GMDS: variants seen among roughly 807,000 people sequenced by gnomAD.
GMDS encodes GDP-mannose 4,6 dehydratase.
A neutral mutation model predicts 49.9 loss-of-function variants in GMDS; 20 were observed. The observed-to-expected ratio is 0.40, with a 90% confidence interval of 0.28 to 0.58. The LOEUF is 0.58. Among genes scored for constraint, GMDS ranks in the 20% least tolerant of loss-of-function variants. GMDS has a pLI of 0.42. For missense variants in GMDS, 362 were observed against 481.4 expected, an observed-to-expected ratio of 0.75 and a Z score of 2.32; for synonymous variants, 177 against 178.6, an observed-to-expected ratio of 0.99 and a Z score of 0.07.
At chr6:1,937,195 C>G (rs1024158140) in intron 6 of GMDS, among the ~76,000 whole-genome samples, 1 of 152,102 alleles carries the variant, frequency 6.6e-6, no homozygotes, top group Admixed American at 6.5e-5. Flanking sequence ...CGTCTACAAC[C>G]GTCACACAAT....
At chr6:1,896,902 C>G (rs986575815) in intron 7 of GMDS, among the ~76,000 whole-genome samples, 1 of 152,158 alleles carries the variant, frequency 6.6e-6, no homozygotes, top group Non-Finnish European at 1.5e-5. Context: ...AGGGATTTGA[C>G]TGATGTCTCT....
At chr6:1,781,325 G>A (rs1309021459) in intron 7 of GMDS, among the ~76,000 whole-genome samples, 1 of 152,210 alleles carries the variant, frequency 6.6e-6, no homozygotes, top group African/African-American at 2.4e-5. Flanking sequence ...TGCTGCTGCT[G>A]GTGGTCCTTG....
intron 8 of GMDS, among the ~76,000 whole-genome samples, chr6:1,738,556 G>A (rs1767138557): frequency 6.6e-6 from 1 of 152,200 alleles, no homozygotes; most frequent in South Asian, 2.1e-4. Context: ...AGAGACAGCA[G>A]AGCTTAGAAT....
intron 4 of GMDS, among the ~76,000 whole-genome samples, chr6:2,055,152 T>C (rs994193025): frequency 6.6e-6 from 1 of 151,798 alleles, no homozygotes; most frequent in East Asian, 1.9e-4. Flanking sequence ...TAAAAACTAC[T>C]GAATCTGAGG....
chr6:2,000,789 G>A (rs1766766658), intron 4 of GMDS, among the ~76,000 whole-genome samples: 1 of 152,144 alleles, frequency 6.6e-6, no homozygotes, highest in Non-Finnish European at 1.5e-5. Flanking sequence ...AGCCTCCCAA[G>A]TAACTGGAAC....
At chr6:2,087,299 T>A (rs1412812019) in intron 4 of GMDS, among the ~76,000 whole-genome samples, 1 of 152,242 alleles carries the variant, frequency 6.6e-6, no homozygotes, top group African/African-American at 2.4e-5. Context: ...GATGATTACT[T>A]CTTTTGTATA....
chr6:2,228,509 C>T (rs1259771235), intron 1 of GMDS, among the ~76,000 whole-genome samples: 1 of 152,234 alleles, frequency 6.6e-6, no homozygotes, highest in Admixed American at 6.5e-5. Flanking sequence ...CCTTCCCCAT[C>T]CCCAGGGCAG....
At chr6:1,879,161 G>A (rs1023215697) in intron 7 of GMDS, among the ~76,000 whole-genome samples, 29 of 152,116 alleles carry the variant, frequency 1.9e-4, no homozygotes, top group Admixed American at 2.6e-4. Flanking sequence ...TACAGACATG[G>A]AAAATAAAGT....
intron 9 of GMDS, among the ~76,000 whole-genome samples, chr6:1,711,191 A>G (rs930294879): frequency 2.0e-5 from 3 of 152,266 alleles, no homozygotes; most frequent in African/African-American, 7.2e-5. Context: ...AACTGTGTGC[A>G]TCATTCCCTG....
intron 4 of GMDS, among the ~76,000 whole-genome samples, chr6:2,067,060 C>G (rs941358241): frequency 3.3e-5 from 5 of 151,468 alleles, no homozygotes; most frequent in African/African-American, 1.2e-4. Context: ...TTATAACAAA[C>G]TATCTCTCAG....
At chr6:1,918,159 AGG>A (rs1203894915) in intron 7 of GMDS, among the ~76,000 whole-genome samples, 1 of 152,134 alleles carries the variant, frequency 6.6e-6, no homozygotes, top group Admixed American at 6.5e-5. Context: ...GGAGAAGAGA[AGG>A]GATGGGAGAG....
chr6:2,152,951 G>A (rs1332206972), intron 1 of GMDS, among the ~76,000 whole-genome samples: 1 of 152,028 alleles, frequency 6.6e-6, no homozygotes, highest in Non-Finnish European at 1.5e-5. Context: ...GTGGTGGTGG[G>A]CGCCTGTAAT....
At chr6:1,753,183 G>A (rs1231706075) in intron 7 of GMDS, among the ~76,000 whole-genome samples, 1 of 152,154 alleles carries the variant, frequency 6.6e-6, no homozygotes, top group Non-Finnish European at 1.5e-5. Context: ...TAAAGGGATG[G>A]AGGAATATTT....
At chr6:1,821,933 T>C (rs1198420767) in intron 7 of GMDS, among the ~76,000 whole-genome samples, 3 of 152,080 alleles carry the variant, frequency 2.0e-5, no homozygotes, top group Admixed American at 6.6e-5. Context: ...AAGTGTGTCG[T>C]GGTAACGTTT....
chr6:1,984,012 A>G (rs1765388984), intron 4 of GMDS, among the ~76,000 whole-genome samples: 1 of 152,228 alleles, frequency 6.6e-6, no homozygotes, highest in Admixed American at 6.5e-5. Context: ...AATGTGGTAC[A>G]TATACACCAT....
At chr6:1,917,833 C>T (rs1464644621) in intron 7 of GMDS, among the ~76,000 whole-genome samples, 2 of 152,192 alleles carry the variant, frequency 1.3e-5, no homozygotes, top group East Asian at 1.9e-4. Context: ...CACAGACTAT[C>T]GCTCTGCTCT....
intron 7 of GMDS, among the ~76,000 whole-genome samples, chr6:1,804,388 A>T (rs534277020): frequency 6.6e-6 from 1 of 152,328 alleles, no homozygotes; most frequent in Admixed American, 6.5e-5. Context: ...CATGTGGCGC[A>T]CCCCGGCCAT....
chr6:1,927,653 G>A (rs1459006372), intron 7 of GMDS, among the ~76,000 whole-genome samples: 1 of 152,236 alleles, frequency 6.6e-6, no homozygotes, highest in Non-Finnish European at 1.5e-5. Flanking sequence ...TTTGGGAAGT[G>A]TTGTGCCCAG....
intron 4 of GMDS, among the ~76,000 whole-genome samples, chr6:2,032,453 C>T (rs915212467): frequency 1.3e-5 from 2 of 152,146 alleles, no homozygotes; most frequent in East Asian, 3.8e-4. Flanking sequence ...TTTGGTACCA[C>T]AATATTAAAT....
Sources: allele counts gnomAD v4.1 joint callset (sites outside exome capture counted in the v4.1 genomes callset), GRCh38; gene constraint gnomAD v4.1.1; transcripts MANE v1.5; gene names NCBI Gene and HGNC (gene_info 2026-07-23, HGNC 2026-07-21).